Variants in ARHGAP10 observed in about 807,000 individuals in gnomAD.
ARHGAP10 encodes the protein rho GTPase-activating protein 10.
In ARHGAP10, 87 loss-of-function variants were observed where a neutral mutation model predicts 108.6. The observed-to-expected ratio is 0.80, with a 90% confidence interval of 0.67 to 0.96. ARHGAP10 has a LOEUF of 0.96. Among genes scored for constraint, ARHGAP10 ranks in the 40% least tolerant of loss-of-function variants. The pLI is 0.00. For missense variants in ARHGAP10, 939 were observed against 954.5 expected (o/e 0.98, Z 0.21); for synonymous variants, 347 against 341.1 (o/e 1.02, Z -0.19).
chr4:147,925,233 C>T (rs866955505), intron 13 of ARHGAP10, among the ~76,000 whole-genome samples: 8 of 152,278 alleles, frequency 5.3e-5, no homozygotes, highest in Middle Eastern at 3.4e-3. Flanking sequence ...ACAAAACACC[C>T]TGAAAACCAA....
chr4:148,029,996 C>CG (rs1029909022), intron 19 of ARHGAP10, among the ~76,000 whole-genome samples: 10 of 146,636 alleles, frequency 6.8e-5, no homozygotes, highest in Admixed American at 2.0e-4. Context: ...GCTCAGCATC[C>CG]CCCCCCCCAC....
intron 1 of ARHGAP10, 49 bp from the exon 2 acceptor site, chr4:147,822,678 C>T: frequency 6.5e-7 from 1 of 1,541,968 alleles, no homozygotes; most frequent in Middle Eastern, 1.7e-4. Context: ...TTCTTTTATG[C>T]TTTGACATAA....
At position 147,804,914 on chromosome 4, in the gene ARHGAP10, C is replaced by A. The variant is rs149503762; in HGVS notation, c.155-17813C>A. 5.9e-4 allele frequency among the ~76,000 whole-genome samples: 90 copies of A among 152,256 alleles called. No individual in the cohort carries two copies. The East Asian group carries it at 0.017, about 29-fold the overall frequency. On this transcript the variant is annotated intron_variant, in intron 1 of 22. Coordinates refer to ENST00000336498, the MANE Select transcript of ARHGAP10 (RefSeq NM_024605.4). Reference sequence around the variant, plus strand: ...TAGTTTGGAAATATTTTCTCCTATTCTGTGGGTTGTCTGTTTACTCTGTTG... The same window carrying A: ...TAGTTTGGAAATATTTTCTCCTATTATGTGGGTTGTCTGTTTACTCTGTTG...
chr4:147,881,217 G>C (rs1735314496), intron 9 of ARHGAP10, among the ~76,000 whole-genome samples: 2 of 151,664 alleles, frequency 1.3e-5, no homozygotes, highest in South Asian at 4.2e-4. Context: ...AGTTTGCAGT[G>C]AGCTGAGATT....
intron 20 of ARHGAP10, among the ~76,000 whole-genome samples, chr4:148,049,860 GT>G (rs1473282782): frequency 2.4e-5 from 3 of 122,520 alleles, no homozygotes; most frequent in Non-Finnish European, 5.1e-5. Flanking sequence ...GGGGCGGGGG[GT>G]GGTGGTGGCG....
chr4:148,052,392 CTTTTT>C (rs35449374), intron 20 of ARHGAP10, among the ~76,000 whole-genome samples: 1 of 90,712 alleles, frequency 1.1e-5, no homozygotes, highest in Non-Finnish European at 2.0e-5. Flanking sequence ...TGCACATTTG[CTTTTT>C]TTTTTTTTTT....
At chr4:147,916,484 TG>T (rs1230713738) in intron 13 of ARHGAP10, 2 of 152,232 alleles carry the variant, frequency 1.3e-5, no homozygotes, top group African/African-American at 4.8e-5. Flanking sequence ...TTTTTAGCTT[TG>T]AGCACGAAGT....
chr4:147,821,900 C>T (rs910944457), intron 1 of ARHGAP10, among the ~76,000 whole-genome samples: 1 of 152,192 alleles, frequency 6.6e-6, no homozygotes, highest in Non-Finnish European at 1.5e-5. Flanking sequence ...AAGAAGCAAG[C>T]CTTCGCTGCT....
In ARHGAP10 at chr4:148,039,239, G is replaced by A. The variant is rs184755586; in HGVS notation, c.1868-7653G>A. ...GAGAGTGTTATCAGTATAGTTCTTC[G>A]TGTGGCCATCCTTTGGGGATTTTTA... On this transcript the variant is annotated intron_variant, in intron 19 of 22. Coordinates refer to ENST00000336498, the MANE Select transcript of ARHGAP10 (RefSeq NM_024605.4). 3.0e-3 allele frequency among the ~76,000 whole-genome samples: 457 copies of A among 151,780 alleles called. 2 individuals carry two copies. Among genetic ancestry groups the A allele is most frequent in the Admixed American group, 4.1e-3 (63 of 15,234 alleles).
At chr4:147,909,915 C>G (rs1033129983) in intron 12 of ARHGAP10, 138 bp downstream of exon 12, 1 of 814,472 alleles carries the variant, frequency 1.2e-6, no homozygotes, top group African/African-American at 1.7e-5. Context: ...CGTAATAATC[C>G]TCTATTGCAT....
intron 18 of ARHGAP10, among the ~76,000 whole-genome samples, chr4:148,007,208 T>G (rs1266338767): frequency 2.0e-5 from 3 of 152,220 alleles, no homozygotes; most frequent in Admixed American, 1.3e-4. Context: ...TTTGTGTACT[T>G]ACTATCTGAC....
chr4:147,949,405 A>G (rs1010467043), intron 15 of ARHGAP10, among the ~76,000 whole-genome samples: 2 of 152,220 alleles, frequency 1.3e-5, no homozygotes, highest in Admixed American at 6.5e-5. Flanking sequence ...CTGAGAAATT[A>G]GAACAGTGTT....
intron 8 of ARHGAP10, 52 bp from the exon 9 acceptor site, chr4:147,879,180 C>T: frequency 6.7e-7 from 1 of 1,499,232 alleles, no homozygotes; most frequent in South Asian, 1.2e-5. Context: ...TATAGCTCTG[C>T]AAATCTGCTT....
At chr4:147,868,617 G>C (rs1210348588) in intron 7 of ARHGAP10, among the ~76,000 whole-genome samples, 2 of 152,168 alleles carry the variant, frequency 1.3e-5, no homozygotes, top group African/African-American at 4.8e-5. Context: ...CACGTAAGTG[G>C]TCCCCAACCT....
At chr4:148,060,235 G>T (rs945482440) in intron 20 of ARHGAP10, among the ~76,000 whole-genome samples, 1 of 151,754 alleles carries the variant, frequency 6.6e-6, no homozygotes, top group Admixed American at 6.6e-5. Flanking sequence ...TTGAGAAAAT[G>T]TAGGTATTAC....
intron 7 of ARHGAP10, among the ~76,000 whole-genome samples, chr4:147,869,120 T>A (rs1734695152): frequency 6.6e-6 from 1 of 152,172 alleles, no homozygotes; most frequent in Non-Finnish European, 1.5e-5. Flanking sequence ...ATAGTGCCCC[T>A]TATTTAGAGA....
chr4:148,071,924 T>A (rs1257061253), intron 22 of ARHGAP10, 69 bp from the exon 23 acceptor site: 2 of 1,396,004 alleles, frequency 1.4e-6, no homozygotes, highest in Non-Finnish European at 2.0e-6. Flanking sequence ...GCTTGAGCTT[T>A]TAAGTGAACA....
chr4:147,912,550 T>C (rs1029887847), intron 12 of ARHGAP10, among the ~76,000 whole-genome samples: 9 of 130 alleles, frequency 0.069, no homozygotes, highest in South Asian at 0.1. Flanking sequence ...AACAAACAAA[T>C]ATATATATAT....
chr4:147,866,430 A>G, intron 6 of ARHGAP10: 1 of 289,126 alleles, frequency 3.5e-6, no homozygotes, highest in East Asian at 7.3e-5. Flanking sequence ...CTGACTAAAG[A>G]GGACAAATGG....
Sources: gnomAD v4.1 joint callset for allele counts (sites outside exome capture counted in the v4.1 genomes callset) on GRCh38, gnomAD v4.1.1 for gene constraint, MANE v1.5 for transcripts, NCBI Gene and HGNC (gene_info 2026-07-23, HGNC 2026-07-21) for gene names.